Variants in MTUS2 observed in about 807,000 individuals in gnomAD.
MTUS2 encodes microtubule-associated tumor suppressor candidate 2.
MTUS2 carries 40 observed loss-of-function variants against 114.1 expected under a neutral mutation model. That is an observed-to-expected ratio of 0.35 (90% confidence interval 0.27 to 0.46). The LOEUF (loss-of-function observed/expected upper bound fraction) is 0.46. Among genes scored for constraint, MTUS2 ranks in the 20% least tolerant of loss-of-function variants. The pLI is 1.00. For synonymous variants in MTUS2, 688 were observed against 672.0 expected (o/e 1.02, Z -0.37); for missense variants, 1,679 against 1,705.4 (o/e 0.98, Z 0.27).
chr13:29,228,994 C>T (rs1896219455), intron 5 of MTUS2, among the ~76,000 whole-genome samples: 2 of 152,270 alleles, frequency 1.3e-5, no homozygotes, highest in East Asian at 3.9e-4. Context: ...AGCCACTGCA[C>T]TGCCTCCGGC....
intron 4 of MTUS2, among the ~76,000 whole-genome samples, chr13:29,090,873 A>T (rs1336670666): frequency 1.3e-5 from 2 of 152,162 alleles, no homozygotes; most frequent in African/African-American, 2.4e-5. Context: ...TGCAGACTGG[A>T]GTTCTGTCTC....
At chr13:29,204,391 C>T (rs548285067) in intron 5 of MTUS2, among the ~76,000 whole-genome samples, 10 of 152,302 alleles carry the variant, frequency 6.6e-5, no homozygotes, top group Non-Finnish European at 1.0e-4. Context: ...CTTCCAAAGC[C>T]GCTGCTTCAT....
intron 2 of MTUS2, among the ~76,000 whole-genome samples, chr13:28,853,145 C>T (rs772227261): frequency 6.6e-6 from 1 of 152,006 alleles, no homozygotes; most frequent in Non-Finnish European, 1.5e-5. Flanking sequence ...ATTTAAATCT[C>T]GAAAAGTGGG....
intron 8 of MTUS2, among the ~76,000 whole-genome samples, chr13:29,409,279 G>A (rs1183758225): frequency 6.6e-6 from 1 of 152,122 alleles, no homozygotes; most frequent in African/African-American, 2.4e-5. Context: ...TTGCGCCACT[G>A]TACTCCAGCC....
intron 8 of MTUS2, among the ~76,000 whole-genome samples, chr13:29,389,735 A>G (rs576474022): frequency 1.1e-5 from 1 of 89,696 alleles, no homozygotes; most frequent in African/African-American, 4.2e-5. Flanking sequence ...ATATGTGTGT[A>G]TATGTATATA....
At chr13:29,391,091 ATTG>A (rs987916079) in intron 8 of MTUS2, among the ~76,000 whole-genome samples, 22 of 148,582 alleles carry the variant, frequency 1.5e-4, no homozygotes, top group African/African-American at 5.1e-4. Flanking sequence ...GATTATTATT[ATTG>A]TTATTATTAT....
intron 4 of MTUS2, among the ~76,000 whole-genome samples, chr13:29,053,453 C>A (rs1313640168): frequency 1.3e-5 from 2 of 152,128 alleles, no homozygotes; most frequent in Admixed American, 1.3e-4. Flanking sequence ...TCCCCTTGGG[C>A]AAATAGGAAG....
At chr13:29,162,550 C>A (rs1020093919) in intron 5 of MTUS2, among the ~76,000 whole-genome samples, 1 of 152,120 alleles carries the variant, frequency 6.6e-6, no homozygotes, top group Non-Finnish European at 1.5e-5. Context: ...ACTTCTTTGA[C>A]CATGTTTTTG....
Position 29,287,715 on chromosome 13 carries a change from T to C in MTUS2, c.2806+5850T>C, listed in dbSNP as rs138510377. Among the ~76,000 whole-genome samples, 58 of 152,360 alleles carry C rather than the reference T, an allele frequency of 3.8e-4. No individual in the cohort carries two copies. In the East Asian group the frequency reaches 0.011, roughly 28 times the overall value. On this transcript the variant is annotated intron_variant, in intron 6 of 15. Transcript: ENST00000612955. ...ACTTGCTTTCCTAGGTATAAATTTTTATGAGTGTAATAATTGCTTTTCTTC... is the reference window on the plus strand; with the variant it reads ...ACTTGCTTTCCTAGGTATAAATTTTCATGAGTGTAATAATTGCTTTTCTTC...
intron 5 of MTUS2, among the ~76,000 whole-genome samples, chr13:29,122,858 T>C (rs1891367675): frequency 6.6e-6 from 1 of 152,222 alleles, no homozygotes; most frequent in Non-Finnish European, 1.5e-5. Flanking sequence ...TCAATCCTTT[T>C]AAACTCTGTC....
intron 5 of MTUS2, among the ~76,000 whole-genome samples, chr13:29,205,445 GTAATGTT>G (rs66763717): frequency 0.15 from 22,558 of 151,868 alleles, 1,848 homozygotes; most frequent in East Asian, 0.31. Flanking sequence ...TTGGGGAAAG[GTAATGTT>G]TAATTACATG....
intron 1 of MTUS2, among the ~76,000 whole-genome samples, chr13:28,836,901 T>G (rs986099736): frequency 6.6e-6 from 1 of 152,160 alleles, no homozygotes; most frequent in African/African-American, 2.4e-5. Context: ...AAGAAGTAAG[T>G]GATGAGGTGG....
intron 6 of MTUS2, among the ~76,000 whole-genome samples, chr13:29,293,942 A>AGTGTG (rs1262837938): frequency 6.6e-6 from 1 of 152,156 alleles, no homozygotes; most frequent in African/African-American, 2.4e-5. Flanking sequence ...AGCCATTATC[A>AGTGTG]GTGTGGTGTT....
intron 2 of MTUS2, among the ~76,000 whole-genome samples, chr13:28,967,801 A>G (rs989126082): frequency 6.6e-6 from 1 of 152,222 alleles, no homozygotes; most frequent in African/African-American, 2.4e-5. Context: ...CATATGTTCC[A>G]GGAGCCATGA....
chr13:29,037,994 G>A (rs544224547), intron 4 of MTUS2, among the ~76,000 whole-genome samples: 5 of 152,072 alleles, frequency 3.3e-5, no homozygotes, highest in Non-Finnish European at 7.4e-5. Context: ...TGTTACCCAC[G>A]TTTTGAAGCC....
intron 8 of MTUS2, among the ~76,000 whole-genome samples, chr13:29,424,175 A>G (rs9506183): frequency 0.78 from 117,859 of 151,934 alleles, 46,222 homozygotes; most frequent in Middle Eastern, 0.86. Flanking sequence ...GCCAACAATA[A>G]TTTATTGTAT....
intron 8 of MTUS2, among the ~76,000 whole-genome samples, chr13:29,396,033 A>C (rs930365206): frequency 5.3e-5 from 8 of 152,230 alleles, no homozygotes; most frequent in African/African-American, 1.9e-4. Flanking sequence ...GGACCAAAAA[A>C]CTTGTATTTT....
At chr13:29,098,306 C>T (rs188488077) in intron 4 of MTUS2, among the ~76,000 whole-genome samples, 15 of 152,254 alleles carry the variant, frequency 9.9e-5, no homozygotes, top group Admixed American at 6.5e-4. Context: ...ACCCTGAAGG[C>T]GTGTATGATA....
chr13:29,415,064 T>C (rs1875565039), intron 8 of MTUS2, among the ~76,000 whole-genome samples: 1 of 151,748 alleles, frequency 6.6e-6, no homozygotes, highest in African/African-American at 2.4e-5. Context: ...AGTTGTTTAA[T>C]AGGCTTCCTG....
Sources: allele counts gnomAD v4.1 joint callset (sites outside exome capture counted in the v4.1 genomes callset), GRCh38; gene constraint gnomAD v4.1.1; transcripts MANE v1.5; gene names NCBI Gene and HGNC (gene_info 2026-07-23, HGNC 2026-07-21).